The following STK32B variants were observed in gnomAD, a reference collection of about 807,000 sequenced individuals.
The protein encoded by STK32B is serine/threonine kinase 32B.
A neutral mutation model predicts 52.6 loss-of-function variants in STK32B; 43 were observed. The ratio of observed to expected loss-of-function variants is 0.82; its 90% CI spans 0.64 to 1.05. The LOEUF is 1.05. Ranked by LOEUF, STK32B falls within the 50% of genes least tolerant of loss-of-function variation. The probability of loss-of-function intolerance (pLI) is 0.00; values close to 1 mark genes in which losing one functional copy is unlikely to be tolerated. For synonymous variants in STK32B, 238 were observed against 204.3 expected (o/e 1.17, Z -1.41); for missense variants, 621 against 534.6 (o/e 1.16, Z -1.59).
intron 3 of STK32B, among the ~76,000 whole-genome samples, chr4:5,249,955 T>A (rs565875882): frequency 1.3e-5 from 2 of 152,312 alleles, no homozygotes; most frequent in South Asian, 4.1e-4. Flanking sequence ...CCCTTCTTTG[T>A]ATCCATGTAC....
chr4:5,109,451 A>G (rs78210770), intron 1 of STK32B, among the ~76,000 whole-genome samples: 1 of 152,354 alleles, frequency 6.6e-6, no homozygotes, highest in African/African-American at 2.4e-5. Flanking sequence ...AAAGAAAAAT[A>G]CAGAATGCTG....
At chr4:5,025,488 C>T in the STK32B span, among the ~76,000 whole-genome samples, 1 of 152,156 alleles carries the variant, frequency 6.6e-6, no homozygotes, top group Admixed American at 6.5e-5. Context: ...CAGCTGAGCT[C>T]CTAACTCATT....
intron 9 of STK32B, among the ~76,000 whole-genome samples, chr4:5,464,265 G>C (rs1398035628): frequency 6.6e-6 from 1 of 152,196 alleles, no homozygotes; most frequent in Non-Finnish European, 1.5e-5. Context: ...ATCTCAACAT[G>C]AGATTTGCAG....
At chr4:5,440,957 A>T (rs951131448) in intron 6 of STK32B, among the ~76,000 whole-genome samples, 53 of 150,426 alleles carry the variant, frequency 3.5e-4, no homozygotes, top group African/African-American at 1.2e-3. Context: ...GATGAAGCCC[A>T]CTTGATCATG....
chr4:5,338,901 A>G (rs539487561), intron 4 of STK32B, among the ~76,000 whole-genome samples: 1 of 152,328 alleles, frequency 6.6e-6, no homozygotes, highest in South Asian at 2.1e-4. Flanking sequence ...TGCTGGTGAA[A>G]CATTACTTCT....
chr4:5,319,177 C>G (rs1560315938), intron 3 of STK32B, among the ~76,000 whole-genome samples: 2 of 152,092 alleles, frequency 1.3e-5, no homozygotes, highest in South Asian at 4.1e-4. Context: ...ATAATAACTC[C>G]TGAAATCTTT....
At chr4:5,498,827 G>A (rs1720495369) in intron 11 of STK32B, 118 bp from the exon 12 acceptor site, 1 of 1,373,182 alleles carries the variant, frequency 7.3e-7, no homozygotes, top group Admixed American at 2.8e-5. Context: ...AATCTTCCCA[G>A]GTAGGGGAAG....
chr4:5,459,397 G>A (rs1716855488), intron 8 of STK32B, among the ~76,000 whole-genome samples: 1 of 152,168 alleles, frequency 6.6e-6, no homozygotes, highest in East Asian at 1.9e-4. Context: ...CTTTCAGGGA[G>A]GCAATGAGCC....
rs56211807 is a variant in STK32B at position 5,289,685 on chromosome 4, ATTTTTTTTTTTTTTT to A, written c.261-41519_261-41505del. ...AGGCACCCACCACCATGCCCGGCTA[ATTTTTTTTTTTTTTT>A]TTTTTTTTTTTTTTTGCTATTTTTA... On this transcript the variant is annotated intron_variant, in intron 3 of 11. Transcript: ENST00000282908. Among the ~76,000 whole-genome samples the A allele has an allele frequency of 5.8e-5, 5 of 86,882 alleles. No individual in the cohort carries two copies. In the East Asian group the frequency reaches 1.1e-3, roughly 18 times the overall value. The allele number at this position is 86,882 out of a possible 152,430, so 57.0% of individuals were successfully genotyped here. A position where few individuals can be genotyped will look rare whatever the true frequency, so the allele number is the denominator to read the frequency against.
chr4:5,226,402 G>A (rs1277132923), intron 3 of STK32B, among the ~76,000 whole-genome samples: 2 of 152,142 alleles, frequency 1.3e-5, no homozygotes, highest in Non-Finnish European at 2.9e-5. Context: ...GTTACCCACA[G>A]TCAACCATGG....
At chr4:5,063,089 G>C (rs1442914860) in intron 1 of STK32B, among the ~76,000 whole-genome samples, 1 of 152,100 alleles carries the variant, frequency 6.6e-6, no homozygotes, top group Non-Finnish European at 1.5e-5. Context: ...ATATATATCA[G>C]ATTTCCTCTA....
chr4:5,140,267 A>G (rs1240989463), intron 2 of STK32B: 12 of 1,392,714 alleles, frequency 8.6e-6, no homozygotes, highest in Admixed American at 2.1e-5. Context: ...AAACATCACA[A>G]AGGCAGCTCT....
chr4:5,473,203 T>G lies in STK32B; in HGVS notation c.1106+5133T>G, dbSNP rs547015086. Among the ~76,000 whole-genome samples, 6 of 152,320 alleles carry G rather than the reference T, an allele frequency of 3.9e-5. No individual in the cohort carries two copies. In the South Asian group the frequency reaches 1.2e-3, roughly 32 times the overall value. On this transcript the variant is annotated intron_variant, in intron 11 of 11. Coordinates refer to ENST00000282908, the MANE Select transcript of STK32B (RefSeq NM_018401.3). ...TTTCATCCAGTTGTTTGGCAGATGTTTATTGAGCATCTCCCTGGGGTCAGG... is the reference window on the plus strand; with the variant it reads ...TTTCATCCAGTTGTTTGGCAGATGTGTATTGAGCATCTCCCTGGGGTCAGG...
At chr4:5,146,071 T>A in intron 2 of STK32B, among the ~76,000 whole-genome samples, 1 of 150,872 alleles carries the variant, frequency 6.6e-6, no homozygotes, top group Admixed American at 6.6e-5. Context: ...TTTTCCCTAG[T>A]ATGGACATCA....
chr4:5,232,551 G>T (rs1319771668), intron 3 of STK32B, among the ~76,000 whole-genome samples: 1 of 152,230 alleles, frequency 6.6e-6, no homozygotes, highest in African/African-American at 2.4e-5. Context: ...TACCTAAGGA[G>T]TCCAGGTCTA....
chr4:5,025,258 C>A, the STK32B span, among the ~76,000 whole-genome samples: 1 of 152,108 alleles, frequency 6.6e-6, no homozygotes, highest in African/African-American at 2.4e-5. Context: ...GAGACGACCC[C>A]CACCTCCACA....
At chr4:5,498,057 A>G (rs1023090925) in intron 11 of STK32B, among the ~76,000 whole-genome samples, 2 of 152,156 alleles carry the variant, frequency 1.3e-5, no homozygotes. Flanking sequence ...CCCTAGTTTT[A>G]CATAAGAAAG....
At chr4:5,074,275 A>G (rs1277000363) in intron 1 of STK32B, among the ~76,000 whole-genome samples, 2 of 151,846 alleles carry the variant, frequency 1.3e-5, no homozygotes, top group East Asian at 3.9e-4. Flanking sequence ...TCATCTATCA[A>G]GTTCACAGAT....
At chr4:5,476,901 G>A (rs1032336957) in intron 11 of STK32B, among the ~76,000 whole-genome samples, 10 of 151,774 alleles carry the variant, frequency 6.6e-5, no homozygotes, top group African/African-American at 1.9e-4. Context: ...CCCAAGGGAT[G>A]CCGCCACCAG....
Sources: gnomAD v4.1 joint callset for allele counts (sites outside exome capture counted in the v4.1 genomes callset) on GRCh38, gnomAD v4.1.1 for gene constraint, MANE v1.5 for transcripts, NCBI Gene and HGNC (gene_info 2026-07-23, HGNC 2026-07-21) for gene names.